Variants in MCOLN2 observed in about 807,000 individuals in gnomAD.
The protein encoded by MCOLN2 is mucolipin TRP cation channel 2, also known as mucolipin-2.
In MCOLN2, 57 loss-of-function variants were observed where a neutral mutation model predicts 67.5. That is an observed-to-expected ratio of 0.84 (90% CI 0.68 to 1.05). The LOEUF is 1.05. Among genes scored for constraint, MCOLN2 ranks in the 50% least tolerant of loss-of-function variants. The probability of loss-of-function intolerance (pLI) is 0.00; values close to 1 mark genes in which losing one functional copy is unlikely to be tolerated. For missense variants in MCOLN2, 620 were observed against 678.8 expected, an observed-to-expected ratio of 0.91 and a Z score of 0.96; for synonymous variants, 246 against 233.3, an observed-to-expected ratio of 1.05 and a Z score of -0.50.
intron 7 of MCOLN2, among the ~76,000 whole-genome samples, chr1:84,944,998 A>G (rs1395656107): frequency 6.6e-6 from 1 of 152,198 alleles, no homozygotes; most frequent in East Asian, 1.9e-4. Context: ...ACATCATCTT[A>G]TTTTAAATTC....
Position 84,928,069 on chromosome 1 carries a change from G to T in MCOLN2, c.1665-1348C>A, listed in dbSNP as rs1456943114. Among the ~76,000 whole-genome samples the T allele has an allele frequency of 3.3e-5, 5 of 152,140 alleles. No individual in the cohort carries two copies. In the East Asian group the frequency reaches 9.6e-4, roughly 29 times the overall value. ...CTGCAGGGTCCATGCAAGCCCCCTG[G>T]GATCTAGGCTTTGGTCTGATGATTC... is the stretch of plus-strand genomic sequence containing the variant. On this transcript the variant is annotated intron_variant, in intron 13 of 13. Transcript: ENST00000370608.
At chr1:84,934,033 C>G (rs961812791) in intron 11 of MCOLN2, among the ~76,000 whole-genome samples, 1 of 152,160 alleles carries the variant, frequency 6.6e-6, no homozygotes, top group Non-Finnish European at 1.5e-5. Context: ...CTTAAAAATA[C>G]TCAAGGTCCT....
intron 7 of MCOLN2, among the ~76,000 whole-genome samples, chr1:84,945,801 C>T (rs890043863): frequency 6.6e-6 from 1 of 152,144 alleles, no homozygotes; most frequent in Admixed American, 6.5e-5. Flanking sequence ...GGCTGGAGTG[C>T]AGTGGCATGA....
In MCOLN2 at chr1:84,926,373, C is replaced by T. The variant is rs547696521; in HGVS notation, c.*312G>A. The stretch of plus-strand genomic sequence containing the variant: ...ATTACATGGTTAAAGACTATTATTT[C>T]GCACACTCTGAAATGATCTTTTTCC... On this transcript the variant is annotated 3_prime_UTR_variant, in exon 14 of 14. Transcript: ENST00000370608. The T allele has an allele frequency of 1.8e-4, 46 of 251,936 alleles. No homozygotes were observed. The highest frequency in any genetic ancestry group is 6.7e-4 in the South Asian group (4 of 5,988). The allele number at this position is 251,936 out of a possible 1,614,324, so 15.6% of individuals were successfully genotyped here. A position where few individuals can be genotyped will look rare whatever the true frequency, so the allele number is the denominator to read the frequency against.
chr1:84,957,049 A>G (rs888116045), intron 3 of MCOLN2, among the ~76,000 whole-genome samples: 3 of 152,172 alleles, frequency 2.0e-5, no homozygotes, highest in African/African-American at 7.2e-5. Flanking sequence ...AAGCCAAGGA[A>G]AATTGCAAAC....
At chr1:84,945,211 C>T (rs1336041282) in intron 7 of MCOLN2, among the ~76,000 whole-genome samples, 2 of 152,164 alleles carry the variant, frequency 1.3e-5, no homozygotes, top group African/African-American at 4.8e-5. Context: ...GAAGGAAAAA[C>T]TCACTGTTCT....
At chr1:84,961,874 T>C (rs111618213) in intron 2 of MCOLN2, among the ~76,000 whole-genome samples, 18 of 152,276 alleles carry the variant, frequency 1.2e-4, no homozygotes, top group African/African-American at 3.6e-4. Context: ...GCTCTAATTA[T>C]GTACAAAGGA....
At chr1:84,937,434 A>C (rs1290462380) in intron 11 of MCOLN2, 2 of 260,616 alleles carry the variant, frequency 7.7e-6, no homozygotes, top group African/African-American at 4.5e-5. Flanking sequence ...TTCCTCACTT[A>C]ATTTTCATTT....
intron 1 of MCOLN2, among the ~76,000 whole-genome samples, chr1:84,968,552 T>C (rs1439942535): frequency 6.6e-6 from 1 of 152,098 alleles, no homozygotes; most frequent in South Asian, 2.1e-4. Context: ...CATTAGAAAA[T>C]AACCATGCTT....
intron 13 of MCOLN2, among the ~76,000 whole-genome samples, chr1:84,927,770 T>C (rs577612787): frequency 6.6e-6 from 1 of 152,202 alleles, no homozygotes; most frequent in African/African-American, 2.4e-5. Context: ...TTTTAGTCCA[T>C]TCTTCTGTCC....
chr1:84,996,426 A>C (rs1280931272), intron 1 of MCOLN2, among the ~76,000 whole-genome samples: 2 of 104,402 alleles, frequency 1.9e-5, no homozygotes, highest in Non-Finnish European at 2.1e-5. Flanking sequence ...ATATATATAT[A>C]TATATGTTTG....
At chr1:84,935,828 C>T (rs1389700880) in intron 11 of MCOLN2, among the ~76,000 whole-genome samples, 1 of 152,074 alleles carries the variant, frequency 6.6e-6, no homozygotes, top group African/African-American at 2.4e-5. Flanking sequence ...GTCAGGCTCA[C>T]AAAACAAATA....
chr1:84,982,876 A>T (rs933246213), intron 1 of MCOLN2, among the ~76,000 whole-genome samples: 3 of 151,790 alleles, frequency 2.0e-5, no homozygotes, highest in Non-Finnish European at 4.4e-5. Flanking sequence ...CTAATTTTTT[A>T]TTATTATTAT....
At position 84,925,760 on chromosome 1, in the gene MCOLN2, G is replaced by A. The variant is rs1661127222; in HGVS notation, c.*925C>T. 1 of 152,146 alleles carries A rather than the reference G, an allele frequency of 6.6e-6. No homozygotes were observed. 9.4% of individuals were successfully genotyped at this position (152,146 alleles called of 1,614,324 possible). On this transcript the variant is annotated 3_prime_UTR_variant, in exon 14 of 14. Coordinates refer to ENST00000370608, the MANE Select transcript of MCOLN2 (RefSeq NM_153259.4). ...AGCACAAGTGACGAGGCAGCCAAAT[G>A]ATTCCATTTCTTATTTATCCCACTG...
intron 1 of MCOLN2, among the ~76,000 whole-genome samples, chr1:84,978,821 CATATACAT>C (rs983750772): frequency 5.5e-4 from 84 of 152,078 alleles, no homozygotes; most frequent in African/African-American, 6.8e-4. Context: ...CACACACACA[CATATACAT>C]ATATACATAT....
intron 1 of MCOLN2, among the ~76,000 whole-genome samples, chr1:84,987,245 G>A (rs541809608): frequency 4.9e-4 from 49 of 99,424 alleles, no homozygotes; most frequent in African/African-American, 1.6e-3. Flanking sequence ...ATATAGATAT[G>A]TATATAGATA....
chr1:84,937,595 T>G (rs748315102), intron 11 of MCOLN2, 160 bp downstream of exon 11: 109 of 1,409,926 alleles, frequency 7.7e-5, no homozygotes, highest in Non-Finnish European at 9.3e-5. Flanking sequence ...TTCTATATCC[T>G]GAAAAGGAAA....
chr1:84,995,591 T>C (rs901474076), intron 1 of MCOLN2, among the ~76,000 whole-genome samples: 7 of 152,094 alleles, frequency 4.6e-5, no homozygotes, highest in African/African-American at 1.2e-4. Context: ...TTGAAAGCTA[T>C]AGTCACAAGA....
At chr1:84,990,519 AT>A (rs1650841118) in intron 1 of MCOLN2, among the ~76,000 whole-genome samples, 2 of 152,094 alleles carry the variant, frequency 1.3e-5, no homozygotes, top group Admixed American at 6.6e-5. Context: ...AGAAATGTTA[AT>A]TGCGGCCCTA....
Sources: allele counts gnomAD v4.1 joint callset (sites outside exome capture counted in the v4.1 genomes callset), GRCh38; gene constraint gnomAD v4.1.1; transcripts MANE v1.5; gene names NCBI Gene and HGNC (gene_info 2026-07-23, HGNC 2026-07-21).